Variants in ZBTB21 observed in about 807,000 individuals in gnomAD.
The protein encoded by ZBTB21 is zinc finger and BTB domain containing 21.
A neutral mutation model predicts 39.8 loss-of-function variants in ZBTB21; 10 were observed. The ratio of observed to expected loss-of-function variants is 0.25; its 90% CI spans 0.16 to 0.43. The LOEUF (loss-of-function observed/expected upper bound fraction) is 0.43. Among genes scored for constraint, ZBTB21 ranks in the 20% least tolerant of loss-of-function variants. The pLI, the probability that ZBTB21 is intolerant of heterozygous loss-of-function variation, is 1.00. For missense variants in ZBTB21, 1,221 were observed against 1,296.3 expected (o/e 0.94, Z 0.89); for synonymous variants, 551 against 498.8 (o/e 1.10, Z -1.40).
intron 2 of ZBTB21, among the ~76,000 whole-genome samples, chr21:41,994,422 A>C (rs1379616791): frequency 1.3e-5 from 2 of 152,248 alleles, no homozygotes; most frequent in African/African-American, 4.8e-5. Flanking sequence ...AAGGTTTATT[A>C]TTTAGGGTCC....
chr21:42,004,812 C>T (rs1045710747), intron 1 of ZBTB21, among the ~76,000 whole-genome samples: 7 of 152,220 alleles, frequency 4.6e-5, no homozygotes, highest in Non-Finnish European at 8.8e-5. Context: ...GACTTTGGAA[C>T]ATAAACACAC....
In ZBTB21 at chr21:41,993,061, C is replaced by G; in HGVS notation, c.1035G>C (p.Ser345=). ...LVKSLLRRSL[S]MDSQVPVYSP... is the part of the protein sequence containing the mutation. ...AATAGACAGGAACCTGGCTATCCAT[C>G]GACAATGACCGTCTGAGGAGACTCT... Residue 345 remains serine (S), a synonymous_variant, in exon 3 of 3, where the codon TCG becomes TCC. Transcript: ENST00000310826. 1.2e-6 allele frequency: 2 copies of G among 1,614,192 alleles called. No homozygotes were observed. The highest frequency in any genetic ancestry group is 1.7e-6 in the Non-Finnish European group (2 of 1,180,030).
intron 1 of ZBTB21, among the ~76,000 whole-genome samples, chr21:42,009,965 G>T (rs1371738803): frequency 6.6e-6 from 1 of 152,244 alleles, no homozygotes; most frequent in Admixed American, 6.5e-5. Context: ...TGAAGCCCGT[G>T]AGGGAATGGA....
chr21:42,001,707 C>T (rs1288671425), intron 2 of ZBTB21, among the ~76,000 whole-genome samples: 1 of 152,230 alleles, frequency 6.6e-6, no homozygotes, highest in African/African-American at 2.4e-5. Flanking sequence ...TACTCAATAA[C>T]AGCTATAATT....
chr21:41,991,874 T>C lies in ZBTB21; in HGVS notation c.2222A>G (p.Glu741Gly). 3 of 1,614,166 alleles carry C rather than the reference T, an allele frequency of 1.9e-6. No homozygotes were observed. Among genetic ancestry groups the C allele is most frequent in the Non-Finnish European group, 2.5e-6 (3 of 1,180,050 alleles). The change falls in exon 3 of 3, where the codon GAG becomes GGG. Residue 741 changes from glutamate to glycine, a missense_variant. Physicochemically the swap from Glu to Gly is moderately conservative, Grantham distance 98. This residue lies in a region of ZBTB21 where 523 missense variants were observed against 542.5 expected (regional missense o/e 0.96). Coordinates refer to ENST00000310826, the MANE Select transcript of ZBTB21 (RefSeq NM_001098402.2). This position sits in a 1 kb window ranked among gnomAD's most constrained non-coding sequence, Gnocchi z 4.9. ...GACGGCCGCGTTCCGGCACAGCCGC[T>C]CGTGGCTTCCTTGCTCTAGGAGAGA... ...LSSLLEQGSH[E>G]RLCRNAAVCP...
chr21:41,995,193 A>G (rs2065729418), intron 2 of ZBTB21, among the ~76,000 whole-genome samples: 2 of 152,228 alleles, frequency 1.3e-5, no homozygotes, highest in Admixed American at 1.3e-4. Context: ...ACTGGGTAAC[A>G]GGCAGAGGCT....
chr21:42,001,527 T>C (rs185050785), intron 2 of ZBTB21, among the ~76,000 whole-genome samples: 4 of 152,172 alleles, frequency 2.6e-5, no homozygotes, highest in Non-Finnish European at 5.9e-5. Context: ...TTTGCAGAGG[T>C]AGAGACGCAG....
At position 41,993,182 on chromosome 21, in the gene ZBTB21, C is replaced by G. The variant is rs1285113722; in HGVS notation, c.914G>C (p.Arg305Thr). 1.2e-6 allele frequency: 2 copies of G among 1,613,568 alleles called. No individual in the cohort carries two copies. The highest frequency in any genetic ancestry group is 4.5e-5 in the East Asian group (2 of 44,888). Reference protein sequence around the residue: ...TNKGNGQGEDRNLLYYSKLGL... With the variant: ...TNKGNGQGEDTNLLYYSKLGL... ...TAACTTTGAATAGTACAACAAGTTT[C>G]TATCTTCACCTTGACCATTTCCTTT... Residue 305 changes from arginine to threonine, a missense_variant, in exon 3 of 3, where the codon AGA (arginine) becomes ACA (threonine). Coordinates refer to ENST00000310826, the MANE Select transcript of ZBTB21 (RefSeq NM_001098402.2).
chr21:41,991,240 G>C lies in ZBTB21; in HGVS notation c.2856C>G (p.Leu952=). Residue 952 remains leucine, a synonymous_variant, in exon 3 of 3, where the codon CTC becomes CTG. Transcript: ENST00000310826. This position sits in a 1 kb window ranked among gnomAD's most constrained non-coding sequence, Gnocchi z 4.9. Reference sequence around the variant, plus strand: ...ACATGTGCGATTGGAAGTGACTCCAGAGTCGAAAATTAGTGCGAAAAGCTT... The same window carrying C: ...ACATGTGCGATTGGAAGTGACTCCACAGTCGAAAATTAGTGCGAAAAGCTT... ...CNKAFRTNFR[L]WSHFQSHMSQ... 1 of 1,614,238 alleles carries C rather than the reference G, an allele frequency of 6.2e-7. No homozygotes were observed. Among genetic ancestry groups the C allele is most frequent in the Non-Finnish European group, 8.5e-7 (1 of 1,180,046 alleles).
rs1244193796 is a variant in ZBTB21, at chr21:41,992,295, C to G, written c.1801G>C (p.Val601Leu). The G allele has an allele frequency of 2.5e-6, 4 of 1,614,082 alleles. No homozygotes were observed. In the African/African-American group the frequency reaches 5.3e-5, roughly 22 times the overall value. Residue 601 changes from valine (V) to leucine (L), a missense_variant, in exon 3 of 3, where the codon GTG becomes CTG. By Grantham distance (32) the Val-to-Leu change is conservative. Transcript: ENST00000310826. The surrounding 1 kb of genome is among the most constrained non-coding windows in gnomAD (Gnocchi z 4.1). Reference sequence around the variant, plus strand: ...CTAGAGGCTGGTGATGGGTTCTTCACTATGCCGTGTTGGGTCTGACAGTGT... The same window carrying G: ...CTAGAGGCTGGTGATGGGTTCTTCAGTATGCCGTGTTGGGTCTGACAGTGT... ...WTHCQTQHGI[V>L]KNPSPASSSH...
At chr21:42,002,464 C>A (rs9325628) in intron 2 of ZBTB21, 1 of 152,186 alleles carries the variant, frequency 6.6e-6, no homozygotes, top group Admixed American at 6.5e-5. Flanking sequence ...TGGCTGTGTA[C>A]ACCGAATCCT....
rs1330496472 is a variant in ZBTB21, at chr21:41,994,220, C to T, written c.-13-112G>A. On this transcript the variant is annotated intron_variant, in intron 2 of 2. Transcript: ENST00000310826. ...GCATAGGTACCAATATTTAGCAGAC[C>T]GTAGGCTAACAGAAGCTCTATGAAT... is the stretch of plus-strand genomic sequence containing the variant. The T allele has an allele frequency of 3.9e-5, 32 of 827,384 alleles. 1 individual carries two copies. The highest frequency in any genetic ancestry group is 3.4e-4 in the South Asian group (16 of 47,100). The allele number at this position is 827,384 out of a possible 1,614,324, so 51.3% of individuals were successfully genotyped here.
chr21:41,992,842 CCT>C lies in ZBTB21; in HGVS notation c.1252_1253del (p.Arg418GlyfsTer8). 6.2e-7 allele frequency: 1 copy of C among 1,614,188 alleles called. No homozygotes were observed. Among genetic ancestry groups the C allele is most frequent in the Non-Finnish European group, 8.5e-7 (1 of 1,180,036 alleles). Reference sequence around the variant, plus strand: ...CCTCAGTCACAGGGGAAGCTCCCTCCCTGTCTGTTGACTGAGAAGCACTAAAG... The same window carrying C: ...CCTCAGTCACAGGGGAAGCTCCCTCCGTCTGTTGACTGAGAAGCACTAAAG... Reference protein sequence around the residue: ...RSFSASQSTDREGASPVTEVR... With the variant: ...RSFSASQSTDXEGASPVTEVR... On this transcript the variant is annotated frameshift_variant, in exon 3 of 3. Transcript: ENST00000310826. LOFTEE classifies it high-confidence loss of function. This position sits in a 1 kb window ranked among gnomAD's most constrained non-coding sequence, Gnocchi z 4.1.
At chr21:42,003,786 C>T (rs1420422991) in intron 1 of ZBTB21, among the ~76,000 whole-genome samples, 1 of 152,172 alleles carries the variant, frequency 6.6e-6, no homozygotes, top group Non-Finnish European at 1.5e-5. Flanking sequence ...ACTAAAGGTT[C>T]CATTCTTTAC....
At position 41,991,941 on chromosome 21, in the gene ZBTB21, T is replaced by G. The variant is rs760786843; in HGVS notation, c.2155A>C (p.Lys719Gln). The change falls in exon 3 of 3, where the codon AAG becomes CAG. Residue 719 changes from lysine to glutamine, a missense_variant. This residue lies in a region of ZBTB21 where 523 missense variants were observed against 542.5 expected (regional missense o/e 0.96). Coordinates refer to ENST00000310826, the MANE Select transcript of ZBTB21 (RefSeq NM_001098402.2). This position sits in a 1 kb window ranked among gnomAD's most constrained non-coding sequence, Gnocchi z 4.9. ...HAPLASPVEN[K>Q]EVYQCRLCNA... is the part of the protein sequence containing the mutation. The stretch of plus-strand genomic sequence containing the variant: ...CAGAGGCGGCACTGGTAAACCTCCT[T>G]GTTTTCTACTGGACTTGCAAGAGGA... The G allele has an allele frequency of 6.2e-7, 1 of 1,614,056 alleles. No homozygotes were observed. Among genetic ancestry groups the G allele is most frequent in the Non-Finnish European group, 8.5e-7 (1 of 1,180,008 alleles).
In ZBTB21 at chr21:41,993,293, A is replaced by G. The variant is rs749684515; in HGVS notation, c.803T>C (p.Leu268Pro). The G allele has an allele frequency of 5.6e-6, 9 of 1,613,192 alleles. No individual in the cohort carries two copies. Among genetic ancestry groups the G allele is most frequent in the South Asian group, 1.1e-5 (1 of 91,070 alleles). ...CCGTGGTCTCTTCAAAGCCAGCTCT[A>G]GAGCTTTTCCTTTTGGAAGCTGACC... ...VSGQLPKGKA[L>P]ELALKRPRPP... The change falls in exon 3 of 3, where the codon CTA becomes CCA. Residue 268 changes from leucine (L) to proline (P), a missense_variant. Physicochemically the swap from Leu to Pro is moderately conservative, Grantham distance 98 (BLOSUM62 -3). This residue lies in a region of ZBTB21 where 500 missense variants were observed against 465.6 expected (regional missense o/e 1.07). Coordinates refer to ENST00000310826, the MANE Select transcript of ZBTB21 (RefSeq NM_001098402.2).
chr21:42,007,999 C>G (rs1325760767), intron 1 of ZBTB21: 1 of 152,162 alleles, frequency 6.6e-6, no homozygotes, highest in East Asian at 1.9e-4. Flanking sequence ...ACAGTATATC[C>G]TCAGGTCCAG....
rs1296910612 is a variant in ZBTB21 at position 41,988,527 on chromosome 21, T to C, written c.*2368A>G. 2 of 152,034 alleles carry C rather than the reference T, an allele frequency of 1.3e-5. No individual in the cohort carries two copies. Among genetic ancestry groups the C allele is most frequent in the Admixed American group, 1.3e-4 (2 of 15,272 alleles). 9.4% of individuals were successfully genotyped at this position (152,034 alleles called of 1,614,324 possible). A position where few individuals can be genotyped will look rare whatever the true frequency, so the allele number is the denominator to read the frequency against. On this transcript the variant is annotated 3_prime_UTR_variant, in exon 3 of 3. Transcript: ENST00000310826. ...TTTTACTTCTTAACATTTAAAATAG[T>C]TACATGAGTGGAAGCATATTTTTTT...
chr21:42,005,398 T>C (rs1159681359), intron 1 of ZBTB21, among the ~76,000 whole-genome samples: 2 of 152,214 alleles, frequency 1.3e-5, no homozygotes, highest in African/African-American at 4.8e-5. Context: ...TAAATGAAGC[T>C]GACTTATCTC....
Sources: allele counts gnomAD v4.1 joint callset (sites outside exome capture counted in the v4.1 genomes callset), GRCh38; gene constraint gnomAD v4.1.1; regional missense constraint gnomAD v4.1.1; non-coding constraint Gnocchi (gnomAD v3.1); transcripts MANE v1.5; gene names NCBI Gene and HGNC (gene_info 2026-07-23, HGNC 2026-07-21).